The following UBXN4 variants were observed in gnomAD, a reference collection of about 807,000 sequenced individuals.
The protein encoded by UBXN4 is UBX domain protein 4.
In UBXN4, 35 loss-of-function variants were observed where a neutral mutation model predicts 66.2. The ratio of observed to expected loss-of-function variants is 0.53; its 90% CI spans 0.40 to 0.70. UBXN4 has a LOEUF of 0.70. Ranked by LOEUF, UBXN4 falls within the 30% of genes least tolerant of loss-of-function variation. The pLI, the probability that UBXN4 is intolerant of heterozygous loss-of-function variation, is 0.00. For synonymous variants in UBXN4, 203 were observed against 204.5 expected (o/e 0.99, Z 0.06); for missense variants, 533 against 599.8 (o/e 0.89, Z 1.16).
intron 1 of UBXN4, among the ~76,000 whole-genome samples, chr2:135,746,370 A>G (rs1178906656): frequency 6.6e-6 from 1 of 152,232 alleles, no homozygotes; most frequent in African/African-American, 2.4e-5. Flanking sequence ...AGTAAATAAA[A>G]TGGAACCAAT....
intron 2 of UBXN4, among the ~76,000 whole-genome samples, chr2:135,752,601 G>A (rs767748465): frequency 6.6e-6 from 1 of 152,140 alleles, no homozygotes; most frequent in Non-Finnish European, 1.5e-5. Flanking sequence ...TTATGTCTTC[G>A]TGTTCCAGGT....
intron 6 of UBXN4, among the ~76,000 whole-genome samples, chr2:135,769,381 G>A (rs1313996692): frequency 1.4e-5 from 2 of 147,944 alleles, no homozygotes; most frequent in Non-Finnish European, 3.0e-5. Flanking sequence ...CTGGCCTTAA[G>A]TTTTTATTTT....
intron 6 of UBXN4, among the ~76,000 whole-genome samples, chr2:135,769,161 CTGGCTAA>C (rs898618466): frequency 1.1e-4 from 17 of 152,192 alleles, no homozygotes; most frequent in African/African-American, 4.1e-4. Context: ...GCCACCATGC[CTGGCTAA>C]TTTTTGTGTT....
intron 8 of UBXN4, among the ~76,000 whole-genome samples, chr2:135,771,347 G>A (rs938520065): frequency 1.3e-5 from 2 of 151,952 alleles, no homozygotes; most frequent in African/African-American, 4.8e-5. Flanking sequence ...TGTGGTGGTG[G>A]GCGCCTATAA....
chr2:135,756,161 CTG>C (rs2077277789), intron 5 of UBXN4, among the ~76,000 whole-genome samples: 1 of 152,092 alleles, frequency 6.6e-6, no homozygotes, highest in Admixed American at 6.6e-5. Context: ...AGAGGTGTGA[CTG>C]TAAACTCATT....
At chr2:135,753,510 T>G (rs1439478978) in intron 2 of UBXN4, 29 bp from the exon 3 acceptor site, 1 of 1,516,360 alleles carries the variant, frequency 6.6e-7, no homozygotes, top group African/African-American at 1.5e-5. Flanking sequence ...TGCATTCATC[T>G]AGTGATTTTG....
intron 3 of UBXN4, chr2:135,753,814 G>T: frequency 8.8e-6 from 4 of 452,024 alleles, no homozygotes; most frequent in Non-Finnish European, 1.6e-5. Flanking sequence ...CTAAAGATAG[G>T]ATAGGGAGTT....
intron 10 of UBXN4, among the ~76,000 whole-genome samples, chr2:135,778,374 A>G (rs1293098866): frequency 6.6e-6 from 1 of 152,050 alleles, no homozygotes; most frequent in Non-Finnish European, 1.5e-5. Flanking sequence ...AGATTTTACA[A>G]GTGATTTTTG....
Position 135,782,876 on chromosome 2 carries a change from C to A in UBXN4, c.1516C>A (p.Gln506Lys). 6.2e-7 allele frequency: 1 copy of A among 1,613,422 alleles called. No homozygotes were observed. The highest frequency in any genetic ancestry group is 1.1e-5 in the South Asian group (1 of 90,978). Residue 506 changes from glutamine (Q) to lysine (K), a missense_variant, in exon 13 of 13, where the codon CAA (glutamine) becomes AAA (lysine). By Grantham distance (53) the Gln-to-Lys change is moderately conservative (BLOSUM62 1). This residue lies in a region of UBXN4 where 4 missense variants were observed against 19.7 expected (regional missense o/e 0.20). Transcript: ENST00000272638. ...ENNTWNGNST[Q>K]QM ...CAACACTTGGAATGGAAATTCCACTCAACAGATGTAGTGTGACAAGTATAA... is the reference window on the plus strand; with the variant it reads ...CAACACTTGGAATGGAAATTCCACTAAACAGATGTAGTGTGACAAGTATAA...
At chr2:135,743,394 T>C (rs1386372211) in intron 1 of UBXN4, among the ~76,000 whole-genome samples, 26 of 152,230 alleles carry the variant, frequency 1.7e-4, no homozygotes, top group Admixed American at 1.7e-3. Context: ...ACTATGCTTA[T>C]TGTGTACATT....
At chr2:135,781,620 G>A (rs1215066113) in intron 12 of UBXN4, among the ~76,000 whole-genome samples, 3 of 152,118 alleles carry the variant, frequency 2.0e-5, no homozygotes, top group Non-Finnish European at 4.4e-5. Flanking sequence ...TTTCATAACT[G>A]TTAGGCAGGA....
chr2:135,774,794 G>A (rs1057464504), intron 9 of UBXN4, among the ~76,000 whole-genome samples: 3 of 151,402 alleles, frequency 2.0e-5, no homozygotes, highest in Non-Finnish European at 4.4e-5. Flanking sequence ...GTAGTGAACC[G>A]AGATTGCGCC....
chr2:135,767,304 T>A (rs185381133), intron 6 of UBXN4, among the ~76,000 whole-genome samples: 1 of 152,000 alleles, frequency 6.6e-6, no homozygotes, highest in Admixed American at 6.6e-5. Flanking sequence ...GAGGTTGCAG[T>A]GAGCCGAGAT....
At chr2:135,757,048 A>G (rs1026867140) in intron 5 of UBXN4, among the ~76,000 whole-genome samples, 3 of 151,956 alleles carry the variant, frequency 2.0e-5, no homozygotes, top group African/African-American at 2.4e-5. Context: ...CTTTGTATTT[A>G]TCCTGTGTTT....
intron 11 of UBXN4, among the ~76,000 whole-genome samples, chr2:135,779,981 G>A (rs573764017): frequency 2.0e-5 from 3 of 149,100 alleles, no homozygotes; most frequent in African/African-American, 7.4e-5. Context: ...GTATAATATT[G>A]TATATTTATC....
At chr2:135,742,080 C>G in intron 1 of UBXN4, 69 bp downstream of exon 1, 1 of 1,536,164 alleles carries the variant, frequency 6.5e-7, no homozygotes, top group South Asian at 1.2e-5. Context: ...TCTTGTATAC[C>G]TCAGCCGCCG....
At chr2:135,779,208 T>A (rs1025696955) in intron 11 of UBXN4, 129 bp downstream of exon 11, 2 of 973,060 alleles carry the variant, frequency 2.1e-6, no homozygotes, top group Non-Finnish European at 2.8e-6. Context: ...AGTGATCCAA[T>A]AATTAGATGA....
intron 4 of UBXN4, among the ~76,000 whole-genome samples, chr2:135,754,497 A>AT (rs2105495421): frequency 6.6e-6 from 1 of 152,024 alleles, no homozygotes; most frequent in African/African-American, 2.4e-5. Flanking sequence ...TGATTTTTGT[A>AT]TTTTTAGTAG....
intron 5 of UBXN4, among the ~76,000 whole-genome samples, 191 bp from the exon 6 acceptor site, chr2:135,761,627 T>A (rs1195725433): frequency 6.6e-6 from 1 of 152,256 alleles, no homozygotes; most frequent in African/African-American, 2.4e-5. Context: ...TATTTCTATT[T>A]GTGAACAATT....
Sources: gnomAD v4.1 joint callset for allele counts (sites outside exome capture counted in the v4.1 genomes callset) on GRCh38, gnomAD v4.1.1 for gene constraint, gnomAD v4.1.1 regional missense constraint, MANE v1.5 for transcripts, NCBI Gene and HGNC (gene_info 2026-07-23, HGNC 2026-07-21) for gene names.